Variants in ZNF503 observed in about 807,000 individuals in gnomAD.
ZNF503 encodes zinc finger protein 503, also known as NocA-like zinc finger 2.
ZNF503 carries 15 observed loss-of-function variants against 34.4 expected under a neutral mutation model. The observed-to-expected ratio is 0.44, with a 90% CI of 0.29 to 0.67. The LOEUF (loss-of-function observed/expected upper bound fraction) is 0.67. Among genes scored for constraint, ZNF503 ranks in the 30% least tolerant of loss-of-function variants. The pLI is 0.13. For synonymous variants in ZNF503, 580 were observed against 456.8 expected (o/e 1.27, Z -3.44); for missense variants, 1,007 against 926.8 (o/e 1.09, Z -1.12).
the ZNF503 span, among the ~76,000 whole-genome samples, chr10:75,368,282 C>A: frequency 6.6e-6 from 1 of 152,170 alleles, no homozygotes; most frequent in Non-Finnish European, 1.5e-5. Context: ...TAATGCTCTG[C>A]AGCTCATTCT....
At chr10:75,395,232 G>A (rs73288952), downstream of ZNF503, among the ~76,000 whole-genome samples, 4 of 152,152 alleles carry the variant, frequency 2.6e-5, no homozygotes, top group Non-Finnish European at 5.9e-5. The surrounding 1 kb of genome is among the most constrained non-coding windows in gnomAD (Gnocchi z 4.4). Flanking sequence ...GGACAGACAC[G>A]TGGGCCAATC....
chr10:75,383,633 G>A, the ZNF503 span, among the ~76,000 whole-genome samples: 2 of 152,256 alleles, frequency 1.3e-5, no homozygotes, highest in African/African-American at 4.8e-5. Context: ...TCAGCTCTTC[G>A]GTAGTTAAAT....
Position 75,398,892 on chromosome 10 carries a change from T to C in ZNF503, c.1798A>G (p.Ser600Gly), listed in dbSNP as rs1308557574. The C allele has an allele frequency of 6.5e-7, 1 of 1,541,398 alleles. No individual in the cohort carries two copies. Among genetic ancestry groups the C allele is most frequent in the Non-Finnish European group, 8.7e-7 (1 of 1,147,542 alleles). Residue 600 changes from serine to glycine, a missense_variant, in exon 2 of 2, where the codon AGC (serine) becomes GGC (glycine). By Grantham distance (56) the Ser-to-Gly change is moderately conservative (BLOSUM62 0). Coordinates refer to ENST00000372524, the MANE Select transcript of ZNF503 (RefSeq NM_032772.6). ...CTCTTGGAGTAGGGGTGGTAGCGGCTGCTGAGTCCCAGCGCGTGGTGGGGG... is the reference window on the plus strand; with the variant it reads ...CTCTTGGAGTAGGGGTGGTAGCGGCCGCTGAGTCCCAGCGCGTGGTGGGGG... ...RSPHHALGLS[S>G]RYHPYSKSPL... is the part of the protein sequence containing the mutation.
chr10:75,388,619 G>A, the ZNF503 span, among the ~76,000 whole-genome samples: 165 of 152,356 alleles, frequency 1.1e-3, 1 homozygote, highest in Non-Finnish European at 2.0e-3. Context: ...TTTTGGGCAA[G>A]TCACTTTGCC....
At chr10:75,348,758 C>T in the ZNF503 span, among the ~76,000 whole-genome samples, 36 of 151,096 alleles carry the variant, frequency 2.4e-4, no homozygotes, top group South Asian at 6.5e-3. Flanking sequence ...GTGATCCGCC[C>T]GCCTCAGCCT....
At chr10:75,300,328 C>T in the ZNF503 span, among the ~76,000 whole-genome samples, 683 of 152,228 alleles carry the variant, frequency 4.5e-3, 5 homozygotes, top group African/African-American at 0.015. Flanking sequence ...TTTCAAGGTG[C>T]CCAGATTTCA....
At chr10:75,296,362 C>T in the ZNF503 span, 1 of 152,412 alleles carries the variant, frequency 6.6e-6, no homozygotes, top group Admixed American at 6.5e-5. Flanking sequence ...GCTTCTGAGC[C>T]ATTGGCCCCT....
chr10:75,399,980 G>A lies in ZNF503; in HGVS notation c.710C>T (p.Ser237Leu). The A allele has an allele frequency of 6.2e-7, 1 of 1,605,920 alleles. No homozygotes were observed. Among genetic ancestry groups the A allele is most frequent in the Non-Finnish European group, 8.5e-7 (1 of 1,179,344 alleles). Residue 237 changes from serine (S) to leucine (L), a missense_variant, in exon 2 of 2, where the codon TCG (serine) becomes TTG (leucine). Physicochemically the swap from Ser to Leu is moderately radical, Grantham distance 145 (BLOSUM62 -2). Coordinates refer to ENST00000372524, the MANE Select transcript of ZNF503 (RefSeq NM_032772.6). ...GGCCGAGGACAGCATACCTCCCGGCGAGCAGGCCGAGGCGCTGGAGCTCGG... is the reference window on the plus strand; with the variant it reads ...GGCCGAGGACAGCATACCTCCCGGCAAGCAGGCCGAGGCGCTGGAGCTCGG... ...GSPSSSASAC[S>L]PGGMLSSAGG... is the part of the protein sequence containing the mutation.
the ZNF503 span, among the ~76,000 whole-genome samples, chr10:75,374,362 G>A: frequency 2.6e-5 from 4 of 152,028 alleles, no homozygotes; most frequent in Admixed American, 6.6e-5. Context: ...CTGTTCCCAC[G>A]GCTTCCTGTC....
chr10:75,329,441 TTC>T, the ZNF503 span, among the ~76,000 whole-genome samples: 1 of 132,748 alleles, frequency 7.5e-6, no homozygotes, highest in African/African-American at 2.8e-5. Context: ...CTTCCTTTCT[TTC>T]TTTCTTTCTT....
At position 75,399,772 on chromosome 10, in the gene ZNF503, A is replaced by G; in HGVS notation, c.918T>C (p.Ala306=). The change falls in exon 2 of 2, where the codon GCT becomes GCC. Residue 306 remains alanine, a synonymous_variant. Transcript: ENST00000372524. The part of the protein sequence containing the change: ...QHPDGGPGGK[A]LGSDCGGSSG... ...ATGAACCGCCGCAGTCCGAGCCCAG[A>G]GCCTTGCCTCCCGGGCCCCCATCCG... 6.3e-7 allele frequency: 1 copy of G among 1,593,858 alleles called. No homozygotes were observed.
the ZNF503 span, among the ~76,000 whole-genome samples, chr10:75,357,872 G>A: frequency 1.3e-5 from 2 of 152,166 alleles, no homozygotes; most frequent in East Asian, 3.8e-4. Flanking sequence ...TGGGTGTTGG[G>A]TCTCTCTTGG....
the ZNF503 span, among the ~76,000 whole-genome samples, chr10:75,386,102 G>A: frequency 1.3e-5 from 2 of 152,172 alleles, no homozygotes; most frequent in African/African-American, 4.8e-5. Flanking sequence ...ATGGAACAAC[G>A]AGAGACTAGA....
chr10:75,394,168 C>T (rs1843672567), downstream of ZNF503, among the ~76,000 whole-genome samples: 1 of 152,248 alleles, frequency 6.6e-6, no homozygotes, highest in Non-Finnish European at 1.5e-5. Flanking sequence ...CTTTTAAGTT[C>T]AGGGGTACAA....
At chr10:75,332,782 C>T in the ZNF503 span, among the ~76,000 whole-genome samples, 9 of 146,558 alleles carry the variant, frequency 6.1e-5, no homozygotes, top group East Asian at 5.9e-4. Flanking sequence ...CAGAGAGCAC[C>T]GGGTTGGGGG....
the ZNF503 span, among the ~76,000 whole-genome samples, chr10:75,324,110 T>C: frequency 6.6e-6 from 1 of 151,680 alleles, no homozygotes; most frequent in Non-Finnish European, 1.5e-5. Context: ...TCTTGCAATC[T>C]ATGGTTTGCT....
downstream of ZNF503, among the ~76,000 whole-genome samples, chr10:75,394,920 G>C (rs553168203): frequency 2.2e-4 from 33 of 152,224 alleles, no homozygotes; most frequent in South Asian, 8.3e-4. Flanking sequence ...CCAGCACAAG[G>C]ACACCAGGGT....
Position 75,398,657 on chromosome 10 carries a change from G to C in ZNF503, c.*92C>G. The C allele has an allele frequency of 2.5e-6, 3 of 1,184,428 alleles. No homozygotes were observed. The highest frequency in any genetic ancestry group is 3.2e-6 in the Non-Finnish European group (3 of 927,404). 73.4% of individuals were successfully genotyped at this position (1,184,428 alleles called of 1,614,324 possible). ...GTGGCCCGAGTCCTCCCCACGCGCG[G>C]GTGTCAGCAGCCTGGGCCGTGATCC... On this transcript the variant is annotated 3_prime_UTR_variant, in exon 2 of 2. Transcript: ENST00000372524.
At chr10:75,379,216 A>T in the ZNF503 span, among the ~76,000 whole-genome samples, 2,276 of 152,322 alleles carry the variant, frequency 0.015, 24 homozygotes, top group South Asian at 0.028. Context: ...AGTGCTGGTT[A>T]GCCTGGCGCG....
Sources: gnomAD v4.1 joint callset for allele counts (sites outside exome capture counted in the v4.1 genomes callset) on GRCh38, gnomAD v4.1.1 for gene constraint, Gnocchi (gnomAD v3.1) non-coding constraint, MANE v1.5 for transcripts, NCBI Gene and HGNC (gene_info 2026-07-23, HGNC 2026-07-21) for gene names.